The following FYN variants were observed in gnomAD, a reference collection of about 807,000 sequenced individuals.
FYN encodes the protein FYN proto-oncogene, Src family tyrosine kinase, also known as tyrosine-protein kinase Fyn.
A neutral mutation model predicts 70.2 loss-of-function variants in FYN; 10 were observed. The observed-to-expected ratio is 0.14, with a 90% confidence interval of 0.09 to 0.24. The LOEUF is 0.24. Among genes scored for constraint, FYN ranks in the 10% least tolerant of loss-of-function variants. The pLI is 1.00. For missense variants in FYN, 319 were observed against 673.1 expected (o/e 0.47, Z 5.82); for synonymous variants, 236 against 248.6 (o/e 0.95, Z 0.48).
chr6:111,833,041 A>T (rs7761265), intron 2 of FYN, among the ~76,000 whole-genome samples: 32,706 of 152,238 alleles, frequency 0.21, 5,632 homozygotes, highest in African/African-American at 0.49. Context: ...AAATCTAGAT[A>T]TGAAAGAATG....
chr6:111,723,448 C>T (rs956045910), intron 3 of FYN, among the ~76,000 whole-genome samples: 1 of 152,186 alleles, frequency 6.6e-6, no homozygotes, highest in Non-Finnish European at 1.5e-5. Flanking sequence ...CACCACTTCA[C>T]GCATTTGACA....
intron 3 of FYN, among the ~76,000 whole-genome samples, chr6:111,726,739 C>A (rs777448200): frequency 3.3e-5 from 5 of 152,222 alleles, no homozygotes; most frequent in African/African-American, 4.8e-5. Context: ...CCAGCCAAAT[C>A]TCACCTCAAA....
At chr6:111,773,596 A>AGGGAGAGAGGGGG (rs1562515425) in intron 3 of FYN, among the ~76,000 whole-genome samples, 1 of 18,976 alleles carries the variant, frequency 5.3e-5, no homozygotes, top group Admixed American at 8.2e-4. Flanking sequence ...GGGAAAGGGA[A>AGGGAGAGAGGGGG]AGGGAGAGAG....
chr6:111,798,419 A>G (rs1771887412), intron 2 of FYN: 1 of 152,242 alleles, frequency 6.6e-6, no homozygotes, highest in Non-Finnish European at 1.5e-5. Flanking sequence ...GAGATGACAC[A>G]TTTTAGTGAA....
intron 3 of FYN, among the ~76,000 whole-genome samples, chr6:111,770,622 T>C (rs753852915): frequency 2.0e-5 from 3 of 152,152 alleles, no homozygotes; most frequent in Non-Finnish European, 2.9e-5. Context: ...TGTGACTGGG[T>C]AATTCATAAA....
intron 12 of FYN, among the ~76,000 whole-genome samples, chr6:111,691,374 T>C (rs1799308048): frequency 6.6e-6 from 1 of 152,226 alleles, no homozygotes; most frequent in Non-Finnish European, 1.5e-5. Flanking sequence ...TTCATGGTCC[T>C]AAAATATCTG....
chr6:111,672,282 C>T (rs2128407937), intron 13 of FYN, among the ~76,000 whole-genome samples: 1 of 152,372 alleles, frequency 6.6e-6, no homozygotes. Context: ...GGCTTACTTG[C>T]CTTCCCTACA....
rs557180648 is a variant in FYN, at chr6:111,727,318, T to C, written c.-11-7256A>G. On this transcript the variant is annotated intron_variant, in intron 3 of 13. Transcript: ENST00000354650. ...TAGTCATGGCAAGGGTATTCATAAG[T>C]ACCATGAAGGAGTTGGCACTGGTTT... is the stretch of plus-strand genomic sequence containing the variant. 2.6e-5 allele frequency among the ~76,000 whole-genome samples: 4 copies of C among 152,346 alleles called. No individual in the cohort carries two copies. The South Asian group carries it at 6.2e-4, about 24-fold the overall frequency.
chr6:111,718,610 TG>T (rs1473411385), intron 4 of FYN, among the ~76,000 whole-genome samples: 4 of 152,178 alleles, frequency 2.6e-5, no homozygotes, highest in Admixed American at 1.3e-4. Flanking sequence ...GGCACAAGGA[TG>T]GGGGTTGTGT....
chr6:111,714,313 G>C, intron 5 of FYN, 34 bp downstream of exon 5: 5 of 1,419,420 alleles, frequency 3.5e-6, no homozygotes, highest in Non-Finnish European at 5.0e-6. Context: ...CAACCTGAAA[G>C]GTATACATGC....
intron 2 of FYN, among the ~76,000 whole-genome samples, chr6:111,809,362 C>A (rs1314566830): frequency 6.6e-6 from 1 of 152,122 alleles, no homozygotes; most frequent in African/African-American, 2.4e-5. Flanking sequence ...AGTGGGTAAC[C>A]AATGAGAGAC....
chr6:111,675,394 T>A (rs1184215895), intron 12 of FYN, among the ~76,000 whole-genome samples: 2 of 152,196 alleles, frequency 1.3e-5, no homozygotes, highest in African/African-American at 4.8e-5. Context: ...GTGGAGTCCT[T>A]TTTTTCAAAA....
intron 2 of FYN, among the ~76,000 whole-genome samples, chr6:111,811,921 A>G (rs1772337880): frequency 6.6e-6 from 1 of 152,152 alleles, no homozygotes; most frequent in African/African-American, 2.4e-5. Context: ...CTCTCCAGGC[A>G]TCACAGGTAT....
chr6:111,696,587 GAC>G (rs1285365021), intron 9 of FYN, 131 bp from the exon 10 acceptor site: 1 of 645,040 alleles, frequency 1.6e-6, no homozygotes, highest in African/African-American at 1.9e-5. Flanking sequence ...GTTGAACAAA[GAC>G]ATTCAATTGC....
rs191576108 is a variant in FYN at position 111,728,428 on chromosome 6, C to G, written c.-11-8366G>C. On this transcript the variant is annotated intron_variant, in intron 3 of 13. Coordinates refer to ENST00000354650, the MANE Select transcript of FYN (RefSeq NM_002037.5). ...TTTTTAGTACATTTACAAAGGAGACCATTTCCATTATCTAATTCCAGAACA... is the reference window on the plus strand; with the variant it reads ...TTTTTAGTACATTTACAAAGGAGACGATTTCCATTATCTAATTCCAGAACA... Among the ~76,000 whole-genome samples the G allele has an allele frequency of 4.0e-3, 601 of 151,648 alleles. 14 individuals are homozygous for G. The highest frequency in any genetic ancestry group is 1.2e-3 in the Non-Finnish European group (81 of 67,802).
At chr6:111,804,132 T>C (rs9387038) in intron 2 of FYN, among the ~76,000 whole-genome samples, 47,413 of 152,138 alleles carry the variant, frequency 0.31, 12,063 homozygotes, top group African/African-American at 0.71. Flanking sequence ...TAAACCAAAA[T>C]GGAACATTTC....
intron 2 of FYN, 125 bp downstream of exon 2, chr6:111,846,464 T>G (rs971133727): frequency 3.8e-5 from 15 of 398,116 alleles, no homozygotes; most frequent in Non-Finnish European, 6.6e-5. Flanking sequence ...TCGACCTCTC[T>G]CTTAGAAATC....
At chr6:111,677,877 G>C (rs929812550) in intron 12 of FYN, among the ~76,000 whole-genome samples, 4 of 152,122 alleles carry the variant, frequency 2.6e-5, no homozygotes, top group Non-Finnish European at 5.9e-5. Flanking sequence ...GCAGGATTTA[G>C]ATATGAAAAC....
At chr6:111,714,021 T>G (rs966612759) in intron 5 of FYN, among the ~76,000 whole-genome samples, 3 of 152,228 alleles carry the variant, frequency 2.0e-5, no homozygotes, top group Non-Finnish European at 4.4e-5. Flanking sequence ...TGCCAATCAC[T>G]TGAAACTGTA....
Sources: gnomAD v4.1 joint callset for allele counts (sites outside exome capture counted in the v4.1 genomes callset) on GRCh38, gnomAD v4.1.1 for gene constraint, MANE v1.5 for transcripts, NCBI Gene and HGNC (gene_info 2026-07-23, HGNC 2026-07-21) for gene names.